Variants in SCLT1 observed in about 807,000 individuals in gnomAD.
SCLT1 encodes sodium channel and clathrin linker 1.
SCLT1 carries 78 observed loss-of-function variants against 112.8 expected under a neutral mutation model. The ratio of observed to expected loss-of-function variants is 0.69; its 90% CI spans 0.58 to 0.83. The LOEUF (loss-of-function observed/expected upper bound fraction) is 0.83, where lower values mean the gene tolerates loss of function less well. SCLT1 is among the 40% of genes least tolerant of loss of function. SCLT1 has a pLI of 0.00. For synonymous variants in SCLT1, 257 were observed against 254.7 expected (o/e 1.01, Z -0.09); for missense variants, 747 against 770.4 (o/e 0.97, Z 0.36).
At chr4:129,030,496 C>G (rs548374867) in intron 5 of SCLT1, among the ~76,000 whole-genome samples, 29 of 152,024 alleles carry the variant, frequency 1.9e-4, no homozygotes, top group Non-Finnish European at 4.1e-4. Context: ...ACATGAAAAA[C>G]TGCTCAAAAA....
intron 5 of SCLT1, among the ~76,000 whole-genome samples, chr4:129,005,526 G>C (rs534549075): frequency 6.6e-6 from 1 of 152,286 alleles, no homozygotes; most frequent in Admixed American, 6.5e-5. Context: ...ACAGGTGCTG[G>C]AGAGGATGTG....
intron 18 of SCLT1, among the ~76,000 whole-genome samples, chr4:128,933,942 C>T (rs1485558126): frequency 6.6e-6 from 1 of 151,904 alleles, no homozygotes; most frequent in Non-Finnish European, 1.5e-5. Context: ...AGGCTTTATC[C>T]CACACAGTCT....
chr4:128,894,770 C>T (rs1733609437), intron 18 of SCLT1, among the ~76,000 whole-genome samples: 1 of 152,080 alleles, frequency 6.6e-6, no homozygotes, highest in Non-Finnish European at 1.5e-5. Context: ...CCTCCGCCTC[C>T]CGCTTCAAGT....
Position 129,051,207 on chromosome 4 carries a change from G to A in SCLT1, c.103-7156C>T, listed in dbSNP as rs192761750. 1.1e-4 allele frequency among the ~76,000 whole-genome samples: 17 copies of A among 152,236 alleles called. No individual in the cohort carries two copies. In the East Asian group the frequency reaches 2.9e-3, roughly 26 times the overall value. On this transcript the variant is annotated intron_variant, in intron 2 of 20. Coordinates refer to ENST00000281142, the MANE Select transcript of SCLT1 (RefSeq NM_144643.4). ...TGCTTAGGATTGTCTTGGCTATACA[G>A]GCTCTTTTTTGGTTCCACATGAAAT...
chr4:129,023,127 C>T (rs989898331), intron 5 of SCLT1, among the ~76,000 whole-genome samples: 1 of 152,172 alleles, frequency 6.6e-6, no homozygotes, highest in Non-Finnish European at 1.5e-5. Context: ...CATCTGTCTT[C>T]CAAGAGCTCC....
At chr4:128,932,219 C>T (rs1261273573) in intron 18 of SCLT1, among the ~76,000 whole-genome samples, 1 of 151,988 alleles carries the variant, frequency 6.6e-6, no homozygotes, top group Non-Finnish European at 1.5e-5. Flanking sequence ...AGAGTACCTA[C>T]ATTATAGGTT....
rs529732775 is a variant in SCLT1 at position 129,031,090 on chromosome 4, A to G, written c.290+7951T>C. On this transcript the variant is annotated intron_variant, in intron 5 of 20. Transcript: ENST00000281142. The stretch of plus-strand genomic sequence containing the variant: ...AAAATACTAGCAAACCGAATCCAGC[A>G]GCACATCAAAAAGCTTATCCACCAA... Among the ~76,000 whole-genome samples the G allele has an allele frequency of 3.3e-5, 5 of 152,296 alleles. No individual in the cohort carries two copies. In the South Asian group the frequency reaches 8.3e-4, roughly 25 times the overall value.
chr4:129,041,556 T>C (rs1319012945), intron 4 of SCLT1, among the ~76,000 whole-genome samples: 2 of 152,168 alleles, frequency 1.3e-5, no homozygotes, highest in Admixed American at 1.3e-4. Context: ...CTTATTCCCA[T>C]AAGCCCTGGC....
At chr4:129,010,755 T>C (rs1391860332) in intron 5 of SCLT1, among the ~76,000 whole-genome samples, 1 of 152,186 alleles carries the variant, frequency 6.6e-6, no homozygotes, top group Non-Finnish European at 1.5e-5. Context: ...GTGCTAGTAA[T>C]TTTTACACAT....
At chr4:129,084,354 T>C (rs1201369807) in intron 1 of SCLT1, among the ~76,000 whole-genome samples, 1 of 152,108 alleles carries the variant, frequency 6.6e-6, no homozygotes, top group Non-Finnish European at 1.5e-5. Flanking sequence ...ACAAGGTCAA[T>C]ATATAAAAAT....
Position 129,093,374 on chromosome 4 carries a change from G to C in SCLT1, c.-271C>G. 1 of 537,270 alleles carries C rather than the reference G, an allele frequency of 1.9e-6. No homozygotes were observed. Among genetic ancestry groups the C allele is most frequent in the East Asian group, 3.1e-5 (1 of 32,396 alleles). The allele number at this position is 537,270 out of a possible 1,614,324, so 33.3% of individuals were successfully genotyped here. ...TCCCACGCTGGTGGGAAGAGGACGC[G>C]GTCGATACAGGCGTCCCGCGGGTCA... On this transcript the variant is annotated 5_prime_UTR_variant, in exon 1 of 21. Transcript: ENST00000281142.
At chr4:129,055,386 G>A (rs1299626472) in intron 2 of SCLT1, among the ~76,000 whole-genome samples, 4 of 152,278 alleles carry the variant, frequency 2.6e-5, no homozygotes, top group East Asian at 1.9e-4. Context: ...AACCACATTC[G>A]CCCCTTCTCT....
chr4:128,992,263 G>T, intron 8 of SCLT1, 26 bp from the exon 9 acceptor site: 1 of 1,434,864 alleles, frequency 7.0e-7, no homozygotes, highest in Non-Finnish European at 9.6e-7. Flanking sequence ...AAAAGAATCA[G>T]TATTAGAATA....
At chr4:128,999,566 A>T (rs1743283050) in intron 7 of SCLT1, 106 bp downstream of exon 7, 2 of 654,474 alleles carry the variant, frequency 3.1e-6, no homozygotes, top group Non-Finnish European at 5.0e-6. Context: ...GTGATTAGAA[A>T]TTCTAAATGC....
At chr4:129,091,837 G>A (rs1483366681) in intron 1 of SCLT1, among the ~76,000 whole-genome samples, 1 of 152,196 alleles carries the variant, frequency 6.6e-6, no homozygotes, top group Non-Finnish European at 1.5e-5. Flanking sequence ...CACAGACCTG[G>A]AAAGAGGTAG....
At chr4:128,895,463 C>T (rs1733666120) in intron 18 of SCLT1, among the ~76,000 whole-genome samples, 1 of 152,122 alleles carries the variant, frequency 6.6e-6, no homozygotes, top group Non-Finnish European at 1.5e-5. Flanking sequence ...TATGTATTAC[C>T]TCAGGATCAG....
chr4:128,884,354 C>G lies in SCLT1; in HGVS notation c.*123G>C. Reference sequence around the variant, plus strand: ...TCCAATAACCCTCAAAACAGAACAACAATGCTTACGCGAAATAACACAAGC... The same window carrying G: ...TCCAATAACCCTCAAAACAGAACAAGAATGCTTACGCGAAATAACACAAGC... On this transcript the variant is annotated 3_prime_UTR_variant, in exon 21 of 21. Transcript: ENST00000281142. The G allele has an allele frequency of 1.6e-6, 1 of 617,716 alleles. No individual in the cohort carries two copies. The highest frequency in any genetic ancestry group is 2.8e-5 in the Admixed American group (1 of 35,492). 38.3% of individuals were successfully genotyped at this position (617,716 alleles called of 1,614,324 possible).
rs1372806172 is a variant in SCLT1, at chr4:128,943,136, C to T, written c.1492G>A (p.Val498Ile). ...YQEMIQKLQN[V>I]LESERENCGL... ...CAGTTCTCTCTCTCAGACTCCAATA[C>T]ATTTTGAAGTTTCTGAATCATTTCT... The change falls in exon 17 of 21, where the codon GTA (valine) becomes ATA (isoleucine). Residue 498 changes from valine to isoleucine, a missense_variant. Transcript: ENST00000281142. The T allele has an allele frequency of 3.1e-6, 5 of 1,611,276 alleles. No homozygotes were observed. Among genetic ancestry groups the T allele is most frequent in the African/African-American group, 2.7e-5 (2 of 74,756 alleles).
chr4:128,971,338 T>C (rs1740675355), intron 9 of SCLT1: 1 of 152,168 alleles, frequency 6.6e-6, no homozygotes, highest in African/African-American at 2.4e-5. Context: ...CACAAGTAAA[T>C]GTTAGTTCAT....
Sources: gnomAD v4.1 joint callset for allele counts (sites outside exome capture counted in the v4.1 genomes callset) on GRCh38, gnomAD v4.1.1 for gene constraint, MANE v1.5 for transcripts, NCBI Gene and HGNC (gene_info 2026-07-23, HGNC 2026-07-21) for gene names.